TNS3: variants seen among roughly 807,000 people sequenced by gnomAD.
TNS3 encodes tensin-3.
In TNS3, 45 loss-of-function variants were observed where a neutral mutation model predicts 140.9. The observed-to-expected ratio is 0.32, with a 90% CI of 0.25 to 0.41. TNS3 has a LOEUF of 0.41. Among genes scored for constraint, TNS3 ranks in the 10% least tolerant of loss-of-function variants. The probability of loss-of-function intolerance (pLI) is 1.00; values close to 1 mark genes in which losing one functional copy is unlikely to be tolerated. For synonymous variants in TNS3, 815 were observed against 788.4 expected (o/e 1.03, Z -0.56); for missense variants, 1,716 against 1,906.7 (o/e 0.90, Z 1.86).
chr7:47,313,005 C>T (rs1003068579), intron 20 of TNS3, among the ~76,000 whole-genome samples: 3 of 152,216 alleles, frequency 2.0e-5, no homozygotes, highest in Non-Finnish European at 4.4e-5. Context: ...GGAGTGCCTG[C>T]GTGTCCTGCT....
intron 17 of TNS3, among the ~76,000 whole-genome samples, chr7:47,354,663 C>A (rs1161015166): frequency 2.0e-5 from 3 of 151,912 alleles, no homozygotes; most frequent in Non-Finnish European, 4.4e-5. Context: ...GTACTCAGTG[C>A]AGAAATCTCA....
rs970040868 is a variant in TNS3 at position 47,508,765 on chromosome 7, C to T, written c.-152-1821G>A. ...CTTTTGTGGCTAAAAGACATCGTGA[C>T]TTCTGTCCTGGTCTCCAGGATCACT... On this transcript the variant is annotated intron_variant, in intron 2 of 30. Transcript: ENST00000311160. Among the ~76,000 whole-genome samples the T allele has an allele frequency of 2.0e-5, 3 of 152,214 alleles. No homozygotes were observed. In the East Asian group the frequency reaches 5.8e-4, roughly 29 times the overall value.
chr7:47,578,437 A>C (rs1167183944), intron 1 of TNS3, among the ~76,000 whole-genome samples: 4 of 152,052 alleles, frequency 2.6e-5, no homozygotes, highest in Non-Finnish European at 5.9e-5. Context: ...CCCCATCCTC[A>C]GTCACCCTCA....
chr7:47,384,970 C>T (rs1791990288), intron 16 of TNS3, among the ~76,000 whole-genome samples: 1 of 152,240 alleles, frequency 6.6e-6, no homozygotes, highest in Non-Finnish European at 1.5e-5. Context: ...CCACCTGTTG[C>T]CAGGGGAAGC....
In TNS3 at chr7:47,302,955, A is replaced by T. The variant is rs1786493279; in HGVS notation, c.3452T>A (p.Leu1151Gln). ...CCAGCTGGAAACACACCTACCTGGC[A>T]GAGGTGAGGCCGCTTCTGAAGCCTT... ...FSKASEAASP[L>Q]PDSPGDKLVI... Residue 1151 changes from leucine to glutamine, a missense_variant, in exon 22 of 31, where the codon CTG becomes CAG. Coordinates refer to ENST00000311160, the MANE Select transcript of TNS3 (RefSeq NM_022748.12). The T allele has an allele frequency of 6.2e-7, 1 of 1,600,232 alleles. No homozygotes were observed. Among genetic ancestry groups the T allele is most frequent in the African/African-American group, 1.3e-5 (1 of 74,692 alleles).
At chr7:47,572,288 G>T (rs576895700) in intron 1 of TNS3, among the ~76,000 whole-genome samples, 1 of 152,202 alleles carries the variant, frequency 6.6e-6, no homozygotes, top group East Asian at 1.9e-4. Context: ...GACCGGCAAC[G>T]GCAACGCCTA....
At chr7:47,358,632 G>C (rs73109067) in intron 17 of TNS3, among the ~76,000 whole-genome samples, 18,841 of 152,270 alleles carry the variant, frequency 0.12, 1,229 homozygotes, top group South Asian at 0.15. Flanking sequence ...GTGCTCTCGG[G>C]AGTGTCGGCA....
intron 1 of TNS3, among the ~76,000 whole-genome samples, chr7:47,529,370 G>A (rs908324510): frequency 2.0e-5 from 3 of 152,128 alleles, no homozygotes; most frequent in South Asian, 4.1e-4. Context: ...CTAGACGGAC[G>A]TTCACTCTCA....
chr7:47,387,277 T>A (rs1297150239), intron 16 of TNS3, among the ~76,000 whole-genome samples: 2 of 150,952 alleles, frequency 1.3e-5, no homozygotes. Context: ...CTTACAGGAG[T>A]GGATGGAGAG....
intron 1 of TNS3, among the ~76,000 whole-genome samples, chr7:47,557,782 C>T (rs1800233987): frequency 6.6e-6 from 1 of 152,182 alleles, no homozygotes; most frequent in Non-Finnish European, 1.5e-5. Flanking sequence ...GGAGGCCACG[C>T]CATTCCTAGA....
intron 10 of TNS3, among the ~76,000 whole-genome samples, chr7:47,417,353 GAGA>G (rs1794137317): frequency 6.6e-6 from 1 of 152,228 alleles, no homozygotes; most frequent in African/African-American, 2.4e-5. Flanking sequence ...GACGAAGCAC[GAGA>G]AGTATTTCCT....
intron 13 of TNS3, among the ~76,000 whole-genome samples, chr7:47,406,619 A>G (rs1793464242): frequency 1.3e-5 from 2 of 152,230 alleles, no homozygotes; most frequent in Admixed American, 1.3e-4. Context: ...TCAAAAGTAC[A>G]CAGACAGCCT....
At chr7:47,565,002 T>C (rs892055519) in intron 1 of TNS3, among the ~76,000 whole-genome samples, 1 of 152,086 alleles carries the variant, frequency 6.6e-6, no homozygotes, top group Admixed American at 6.5e-5. Context: ...TGCATCTCTA[T>C]GGTGAAGAAT....
At position 47,524,672 on chromosome 7, in the gene TNS3, G is replaced by C. The variant is rs1487687844; in HGVS notation, c.-153+4364C>G. 2.0e-5 allele frequency among the ~76,000 whole-genome samples: 3 copies of C among 149,768 alleles called. No individual in the cohort carries two copies. The South Asian group carries it at 6.4e-4, about 32-fold the overall frequency. On this transcript the variant is annotated intron_variant, in intron 2 of 30. Transcript: ENST00000311160. ...AAAAAATTAGCCGGGCGCGGTGGCG[G>C]GCGCCTGTAGTCCCAGCTACTCGGG...
chr7:47,320,139 ACTAT>A (rs1029250148), intron 20 of TNS3, among the ~76,000 whole-genome samples: 37 of 152,184 alleles, frequency 2.4e-4, no homozygotes, highest in African/African-American at 8.4e-4. Context: ...ACTAATAGTG[ACTAT>A]CTGCGCGGTG....
intron 17 of TNS3, among the ~76,000 whole-genome samples, chr7:47,350,255 G>T (rs1789586494): frequency 6.6e-6 from 1 of 152,298 alleles, no homozygotes; most frequent in African/African-American, 2.4e-5. Flanking sequence ...TGAGGAAGGG[G>T]CACTCTTCCT....
chr7:47,428,885 G>T (rs1794792562), intron 8 of TNS3, among the ~76,000 whole-genome samples: 1 of 152,128 alleles, frequency 6.6e-6, no homozygotes, highest in Non-Finnish European at 1.5e-5. Context: ...ACACATAAAG[G>T]AACCACTGTC....
chr7:47,492,905 G>A (rs2941529), intron 3 of TNS3, among the ~76,000 whole-genome samples: 83,265 of 152,080 alleles, frequency 0.55, 25,345 homozygotes, highest in Non-Finnish European at 0.66. Flanking sequence ...GCCAAGGCCC[G>A]TTCATCAGGA....
At chr7:47,538,194 C>T (rs554764435) in intron 1 of TNS3, among the ~76,000 whole-genome samples, 156 of 152,232 alleles carry the variant, frequency 1.0e-3, no homozygotes, top group South Asian at 2.1e-3. Context: ...ACAGGCAGAT[C>T]CCTCCTTTCA....
Sources: gnomAD v4.1 joint callset for allele counts (sites outside exome capture counted in the v4.1 genomes callset) on GRCh38, gnomAD v4.1.1 for gene constraint, MANE v1.5 for transcripts, NCBI Gene and HGNC (gene_info 2026-07-23, HGNC 2026-07-21) for gene names.